Variants in SLC25A48 observed in about 807,000 individuals in gnomAD.
The protein encoded by SLC25A48 is CTC-321K16.1.
Under a neutral mutation model 32.2 loss-of-function variants are expected in SLC25A48, and 29 were observed. The ratio of observed to expected loss-of-function variants is 0.90; its 90% confidence interval spans 0.67 to 1.23. The LOEUF is 1.23. Ranked by LOEUF, SLC25A48 falls within the 50% of genes most tolerant of loss-of-function variation. The pLI, the probability that SLC25A48 is intolerant of heterozygous loss-of-function variation, is 0.00. For missense variants in SLC25A48, 399 were observed against 422.7 expected, an observed-to-expected ratio of 0.94 and a Z score of 0.49; for synonymous variants, 164 against 172.3, an observed-to-expected ratio of 0.95 and a Z score of 0.38.
intron 3 of SLC25A48, among the ~76,000 whole-genome samples, chr5:135,799,182 T>C (rs1458979829): frequency 6.6e-6 from 1 of 151,618 alleles, no homozygotes; most frequent in Admixed American, 6.6e-5. Flanking sequence ...CTTCCTAATA[T>C]CCAGAAGGAA....
intron 4 of SLC25A48, among the ~76,000 whole-genome samples, chr5:135,821,485 G>A (rs1757885273): frequency 6.6e-6 from 1 of 152,100 alleles, no homozygotes; most frequent in Admixed American, 6.5e-5. Flanking sequence ...AGATCCTTGG[G>A]GCCCTTCCTG....
chr5:135,579,584 C>G (rs1409286486), exon 1 of SLC25A48: 1 of 152,328 alleles, frequency 6.6e-6, no homozygotes. Flanking sequence ...ATCACTGGAA[C>G]TGACTCAAAG....
At chr5:135,823,173 A>T (rs1312738460) in intron 4 of SLC25A48, among the ~76,000 whole-genome samples, 1 of 152,062 alleles carries the variant, frequency 6.6e-6, no homozygotes, top group Non-Finnish European at 1.5e-5. Flanking sequence ...CCAGGGTGGG[A>T]TTCACGAAGG....
At chr5:135,601,619 C>T (rs757049009) in intron 1 of SLC25A48, among the ~76,000 whole-genome samples, 1 of 152,178 alleles carries the variant, frequency 6.6e-6, no homozygotes, top group African/African-American at 2.4e-5. Context: ...TTTGAACTTC[C>T]TTACAGCTTT....
intron 3 of SLC25A48, among the ~76,000 whole-genome samples, chr5:135,695,835 C>A (rs1262999470): frequency 2.6e-5 from 4 of 152,228 alleles, no homozygotes; most frequent in African/African-American, 9.6e-5. Context: ...AAATTCCCAG[C>A]AGCTCTGGGA....
Position 135,886,617 on chromosome 5 carries a change from ATATATATATATATAT to A in SLC25A48, c.*8-1414_*8-1400del, listed in dbSNP as rs1561567632. 2.3e-3 allele frequency among the ~76,000 whole-genome samples: 64 copies of A among 28,340 alleles called. 1 individual carries two copies. Among genetic ancestry groups the A allele is most frequent in the Non-Finnish European group, 3.2e-3 (51 of 15,808 alleles). 18.6% of individuals were successfully genotyped at this position (28,340 alleles called of 152,430 possible). A position where few individuals can be genotyped will look rare whatever the true frequency, so the allele number is the denominator to read the frequency against. On this transcript the variant is annotated intron_variant, in intron 7 of 7. Coordinates refer to ENST00000681962, the MANE Select transcript of SLC25A48 (RefSeq NM_001349336.2). ...TATATATATATATATATATATATAT[ATATATATATATATAT>A]ATATAAAATATATATATGTGTGTGT...
chr5:135,761,750 A>G (rs1756065565), intron 3 of SLC25A48, among the ~76,000 whole-genome samples: 1 of 152,156 alleles, frequency 6.6e-6, no homozygotes, highest in Non-Finnish European at 1.5e-5. Flanking sequence ...GCAGAATCCT[A>G]CCCTGTGTGG....
At chr5:135,597,511 T>C (rs143639956) in intron 1 of SLC25A48, among the ~76,000 whole-genome samples, 1 of 152,344 alleles carries the variant, frequency 6.6e-6, no homozygotes, top group Non-Finnish European at 1.5e-5. Context: ...ACCAGGACAC[T>C]GCAGAATGGA....
At position 135,773,801 on chromosome 5, in the gene SLC25A48, A is replaced by T. The variant is rs552180657; in HGVS notation, c.-520-38722A>T. ...TTACTCCCAATATCACAGGGGGTGT[A>T]CACCCTCCTTGTGATTTTGTTTCTA... On this transcript the variant is annotated intron_variant, in intron 3 of 10. Transcript: ENST00000646290. 2.6e-5 allele frequency among the ~76,000 whole-genome samples: 4 copies of T among 151,808 alleles called. No homozygotes were observed. In the East Asian group the frequency reaches 7.8e-4, roughly 29 times the overall value.
chr5:135,688,276 CCAA>C (rs1433204148), intron 3 of SLC25A48, among the ~76,000 whole-genome samples: 3 of 152,162 alleles, frequency 2.0e-5, no homozygotes, highest in Admixed American at 1.3e-4. Flanking sequence ...CATTCATCCA[CCAA>C]TGGATATTTG....
At chr5:135,863,745 C>T (rs997046006) in intron 4 of SLC25A48, among the ~76,000 whole-genome samples, 2 of 151,976 alleles carry the variant, frequency 1.3e-5, no homozygotes, top group African/African-American at 4.8e-5. Flanking sequence ...GGGGAATTAC[C>T]CCAGGCTGTG....
chr5:135,765,872 A>C, intron 3 of SLC25A48, among the ~76,000 whole-genome samples: 1 of 141,272 alleles, frequency 7.1e-6, no homozygotes, highest in East Asian at 2.3e-4. Flanking sequence ...TATTCCCCAC[A>C]TTGCAGGGGG....
At chr5:135,834,446 T>C (rs550345776), upstream of SLC25A48, among the ~76,000 whole-genome samples, 34 of 152,318 alleles carry the variant, frequency 2.2e-4, no homozygotes, top group African/African-American at 7.0e-4. Flanking sequence ...CGCATTGCCG[T>C]CTCTGGATGG....
At chr5:135,853,562 C>T (rs897585966) in intron 4 of SLC25A48, among the ~76,000 whole-genome samples, 1 of 152,216 alleles carries the variant, frequency 6.6e-6, no homozygotes, top group African/African-American at 2.4e-5. Context: ...AGTAACTCTT[C>T]ATCCGTTAAA....
chr5:135,887,177 G>A (rs1762764977), intron 7 of SLC25A48, among the ~76,000 whole-genome samples: 1 of 152,000 alleles, frequency 6.6e-6, no homozygotes, highest in Non-Finnish European at 1.5e-5. Flanking sequence ...TGAAAATAAC[G>A]ATTCTTTCTA....
At chr5:135,772,533 A>G (rs1048953930) in intron 3 of SLC25A48, among the ~76,000 whole-genome samples, 4 of 151,180 alleles carry the variant, frequency 2.6e-5, no homozygotes, top group Non-Finnish European at 5.9e-5. Flanking sequence ...TACGCCCCCT[A>G]TGATATTGTT....
chr5:135,726,062 G>A (rs1237781419), intron 3 of SLC25A48, among the ~76,000 whole-genome samples: 2 of 152,208 alleles, frequency 1.3e-5, no homozygotes, highest in Non-Finnish European at 2.9e-5. Context: ...CAGTGTAACT[G>A]TTGTGGGGTT....
Position 135,880,042 on chromosome 5 carries a change from G to T in SLC25A48, c.888G>T (p.Glu296Asp). 1 of 1,536,254 alleles carries T rather than the reference G, an allele frequency of 6.5e-7. No homozygotes were observed. The highest frequency in any genetic ancestry group is 8.7e-7 in the Non-Finnish European group (1 of 1,146,936). Reference protein sequence around the residue: ...PMSAAMFLGYELSLQAIRGDH... With the variant: ...PMSAAMFLGYDLSLQAIRGDH... ...GTGCGGCCATGTTCCTTGGGTACGA[G>T]CTGTCGCTGCAGGCTATCCGCGGGG... is the stretch of plus-strand genomic sequence containing the variant. The change falls in exon 7 of 8, where the codon GAG becomes GAT. Residue 296 changes from glutamate (E) to aspartate (D), a missense_variant. Transcript: ENST00000681962.
intron 3 of SLC25A48, among the ~76,000 whole-genome samples, chr5:135,802,499 T>C (rs1757355950): frequency 6.6e-6 from 1 of 151,584 alleles, no homozygotes; most frequent in South Asian, 2.1e-4. Flanking sequence ...CTTTTTGACA[T>C]TATTTCTAGT....
Sources: allele counts gnomAD v4.1 joint callset (sites outside exome capture counted in the v4.1 genomes callset), GRCh38; gene constraint gnomAD v4.1.1; transcripts MANE v1.5; gene names NCBI Gene and HGNC (gene_info 2026-07-23, HGNC 2026-07-21).